ATRNL1: variants seen among roughly 807,000 people sequenced by gnomAD.
ATRNL1 encodes attractin-like protein 1.
ATRNL1 carries 95 observed loss-of-function variants against 182.7 expected under a neutral mutation model. The ratio of observed to expected loss-of-function variants is 0.52; its 90% CI spans 0.44 to 0.62. ATRNL1 has a LOEUF of 0.62. Ranked by LOEUF, ATRNL1 falls within the 20% of genes least tolerant of loss-of-function variation. The pLI is 0.00. For synonymous variants in ATRNL1, 576 were observed against 568.3 expected (o/e 1.01, Z -0.19); for missense variants, 1,471 against 1,679.5 (o/e 0.88, Z 2.17).
At chr10:115,227,768 A>G (rs1849757662) in intron 9 of ATRNL1, among the ~76,000 whole-genome samples, 1 of 152,174 alleles carries the variant, frequency 6.6e-6, no homozygotes, top group Non-Finnish European at 1.5e-5. Context: ...CTTTTGCAGC[A>G]ACATGGATGC....
At chr10:115,928,823 A>G (rs555252217) in intron 28 of ATRNL1, among the ~76,000 whole-genome samples, 2 of 152,134 alleles carry the variant, frequency 1.3e-5, no homozygotes, top group Admixed American at 1.3e-4. Flanking sequence ...TGTTTCATGT[A>G]TCTGTGTTTG....
intron 26 of ATRNL1, among the ~76,000 whole-genome samples, chr10:115,599,529 A>AT (rs35656576): frequency 1.3e-5 from 2 of 151,774 alleles, no homozygotes; most frequent in African/African-American, 2.4e-5. Flanking sequence ...GTAAACCCGG[A>AT]TTTTTTTTGT....
Position 115,727,507 on chromosome 10 carries a change from A to G in ATRNL1, c.3903+152A>G. The G allele has an allele frequency of 1.9e-5, 12 of 629,212 alleles. 1 individual carries two copies. The highest frequency in any genetic ancestry group is 8.2e-4 in the Middle Eastern group (2 of 2,434). 39.0% of individuals were successfully genotyped at this position (629,212 alleles called of 1,614,324 possible). A position where few individuals can be genotyped will look rare whatever the true frequency, so the allele number is the denominator to read the frequency against. ...ATATGTTATGCCATTTTCAAGGCAC[A>G]TAGTTTTAATAGTATGACATGAGCT... On this transcript the variant is annotated intron_variant, in intron 27 of 28. Coordinates refer to ENST00000355044, the MANE Select transcript of ATRNL1 (RefSeq NM_207303.4).
intron 26 of ATRNL1, among the ~76,000 whole-genome samples, chr10:115,663,742 G>A (rs528718597): frequency 5.9e-5 from 9 of 151,954 alleles, no homozygotes; most frequent in Non-Finnish European, 1.3e-4. Context: ...CCAAAAAATC[G>A]CATTGGCTTG....
intron 28 of ATRNL1, among the ~76,000 whole-genome samples, chr10:115,850,214 G>T (rs1555100118): frequency 6.6e-6 from 1 of 152,056 alleles, no homozygotes. Flanking sequence ...TAGGATCTAG[G>T]TGCTAGGAAT....
At chr10:115,587,388 C>G (rs1310967980) in intron 26 of ATRNL1, among the ~76,000 whole-genome samples, 2 of 151,854 alleles carry the variant, frequency 1.3e-5, no homozygotes, top group African/African-American at 4.8e-5. Context: ...TGATCTCAGA[C>G]TGCTGTGCTA....
At chr10:115,667,942 G>A (rs565905561) in intron 26 of ATRNL1, among the ~76,000 whole-genome samples, 203 of 152,124 alleles carry the variant, frequency 1.3e-3, no homozygotes, top group African/African-American at 4.4e-3. Context: ...TGGGATTACA[G>A]GTGTGAGCCA....
At chr10:115,553,455 C>T (rs1276222340) in intron 26 of ATRNL1, among the ~76,000 whole-genome samples, 1 of 150,824 alleles carries the variant, frequency 6.6e-6, no homozygotes, top group Non-Finnish European at 1.5e-5. Context: ...AGAACTTTAC[C>T]ACACTACTTT....
chr10:115,681,919 A>G (rs1428482227), intron 26 of ATRNL1, among the ~76,000 whole-genome samples: 1 of 152,154 alleles, frequency 6.6e-6, no homozygotes, highest in East Asian at 1.9e-4. Context: ...TTTTTCTGAA[A>G]CACATTACCA....
intron 26 of ATRNL1, among the ~76,000 whole-genome samples, chr10:115,580,636 G>T (rs1855013279): frequency 6.6e-6 from 1 of 151,562 alleles, no homozygotes; most frequent in South Asian, 2.1e-4. Flanking sequence ...TTCTTTCCCA[G>T]GTTTGGAAAG....
At chr10:115,745,624 G>A (rs1170720081) in intron 27 of ATRNL1, among the ~76,000 whole-genome samples, 1 of 152,104 alleles carries the variant, frequency 6.6e-6, no homozygotes, top group Non-Finnish European at 1.5e-5. Context: ...CCAGAACTAG[G>A]TATTGTTGAG....
chr10:115,733,755 C>T (rs1328161303), intron 27 of ATRNL1, among the ~76,000 whole-genome samples: 1 of 152,046 alleles, frequency 6.6e-6, no homozygotes, highest in East Asian at 1.9e-4. Context: ...TTTCTTATAG[C>T]TGATTTGTGA....
intron 26 of ATRNL1, among the ~76,000 whole-genome samples, chr10:115,620,256 A>G (rs1555022252): frequency 2.0e-5 from 3 of 152,158 alleles, no homozygotes; most frequent in Middle Eastern, 3.4e-3. Flanking sequence ...CAAGAAACAG[A>G]TCTCATGGTA....
At chr10:115,665,714 A>G (rs971627124) in intron 26 of ATRNL1, among the ~76,000 whole-genome samples, 17 of 152,184 alleles carry the variant, frequency 1.1e-4, no homozygotes, top group Non-Finnish European at 2.5e-4. Context: ...CTTGAGTCAC[A>G]GTTTGACCAC....
rs3027964 is a variant in ATRNL1 at position 115,818,185 on chromosome 10, GTTTT to G, written c.3904-29679_3904-29676del. On this transcript the variant is annotated intron_variant, in intron 27 of 28. Transcript: ENST00000355044. The stretch of plus-strand genomic sequence containing the variant: ...TAAAGTCCAGGGTTTATTTGATTCC[GTTTT>G]TTTTTTTTTTTTGGACAGTCAGCCA... Among the ~76,000 whole-genome samples the G allele has an allele frequency of 1.6e-3, 207 of 130,682 alleles. 1 individual carries two copies. The highest frequency in any genetic ancestry group is 5.2e-3 in the African/African-American group (190 of 36,816). 85.7% of individuals were successfully genotyped at this position (130,682 alleles called of 152,430 possible). A position where few individuals can be genotyped will look rare whatever the true frequency, so the allele number is the denominator to read the frequency against.
At chr10:115,767,074 C>A (rs943823456) in intron 27 of ATRNL1, among the ~76,000 whole-genome samples, 1 of 152,144 alleles carries the variant, frequency 6.6e-6, no homozygotes, top group Admixed American at 6.5e-5. Flanking sequence ...GGTTTTATGA[C>A]CCGCTGCTTT....
intron 26 of ATRNL1, among the ~76,000 whole-genome samples, chr10:115,606,390 G>A (rs1856873405): frequency 6.6e-6 from 1 of 151,944 alleles, no homozygotes; most frequent in South Asian, 2.1e-4. Flanking sequence ...AGTCAAAAAT[G>A]TTCATTAAGA....
intron 18 of ATRNL1, among the ~76,000 whole-genome samples, chr10:115,315,986 T>A (rs1854282271): frequency 6.6e-6 from 1 of 152,194 alleles, no homozygotes; most frequent in Admixed American, 6.5e-5. Context: ...ATTTCTTTTT[T>A]AATATTTTGT....
chr10:115,719,624 T>A (rs1265788985), intron 26 of ATRNL1, among the ~76,000 whole-genome samples: 1 of 152,130 alleles, frequency 6.6e-6, no homozygotes, highest in Non-Finnish European at 1.5e-5. Flanking sequence ...CATTAGAAAT[T>A]TCTGGAATGG....
Sources: gnomAD v4.1 joint callset for allele counts (sites outside exome capture counted in the v4.1 genomes callset) on GRCh38, gnomAD v4.1.1 for gene constraint, MANE v1.5 for transcripts, NCBI Gene and HGNC (gene_info 2026-07-23, HGNC 2026-07-21) for gene names.